DIP2C: variants seen among roughly 807,000 people sequenced by gnomAD.
DIP2C encodes the protein DIP2 acetate--CoA ligase C (putative).
Under a neutral mutation model 192.4 loss-of-function variants are expected in DIP2C, and 33 were observed. The ratio of observed to expected loss-of-function variants is 0.17; its 90% CI spans 0.13 to 0.23. The LOEUF (loss-of-function observed/expected upper bound fraction) is 0.23, where lower values mean the gene tolerates loss of function less well. Ranked by LOEUF, DIP2C falls within the 10% of genes least tolerant of loss-of-function variation. The probability of loss-of-function intolerance (pLI) is 1.00; values close to 1 mark genes in which losing one functional copy is unlikely to be tolerated. For synonymous variants in DIP2C, 979 were observed against 864.1 expected, an observed-to-expected ratio of 1.13 and a Z score of -2.33; for missense variants, 1,537 against 2,110.1, an observed-to-expected ratio of 0.73 and a Z score of 5.32.
At chr10:678,194 T>A (rs1412908676) in intron 1 of DIP2C, among the ~76,000 whole-genome samples, 1 of 152,100 alleles carries the variant, frequency 6.6e-6, no homozygotes, top group Admixed American at 6.5e-5. Flanking sequence ...AGTGGAAGTT[T>A]AAAGATGTCC....
At chr10:353,749 G>A (rs146863730) in intron 24 of DIP2C, among the ~76,000 whole-genome samples, 1 of 152,282 alleles carries the variant, frequency 6.6e-6, no homozygotes, top group Non-Finnish European at 1.5e-5. Context: ...CAGCAGAAAC[G>A]TGCATCCTTG....
chr10:285,480 G>A (rs1029108853), intron 34 of DIP2C, among the ~76,000 whole-genome samples: 4 of 152,200 alleles, frequency 2.6e-5, no homozygotes, highest in Admixed American at 6.5e-5. Context: ...CGGGGTAACC[G>A]GAGGGAGGGC....
At chr10:611,190 C>A (rs1853076812) in intron 1 of DIP2C, among the ~76,000 whole-genome samples, 1 of 79,066 alleles carries the variant, frequency 1.3e-5, no homozygotes, top group African/African-American at 2.6e-5. Context: ...GTGCATGGCA[C>A]CTTCCCCTTC....
intron 36 of DIP2C, among the ~76,000 whole-genome samples, chr10:279,325 G>A (rs184313597): frequency 2.0e-3 from 307 of 152,154 alleles, no homozygotes; most frequent in African/African-American, 7.0e-3. Context: ...CTTTTATTAC[G>A]GCATTTGAAA....
intron 10 of DIP2C, among the ~76,000 whole-genome samples, chr10:394,799 C>T (rs1035697325): frequency 5.6e-5 from 8 of 142,070 alleles, no homozygotes; most frequent in South Asian, 2.3e-4. Flanking sequence ...ACACAGTGGG[C>T]GCTATTCAGC....
chr10:503,252 T>C (rs931559419), intron 1 of DIP2C, among the ~76,000 whole-genome samples: 2 of 152,204 alleles, frequency 1.3e-5, no homozygotes, highest in Admixed American at 1.3e-4. Context: ...GATTCCAACA[T>C]AAATCCTGCC....
intron 1 of DIP2C, among the ~76,000 whole-genome samples, chr10:647,454 C>A (rs1156858290): frequency 6.6e-4 from 58 of 87,814 alleles, no homozygotes; most frequent in East Asian, 1.9e-3. Context: ...GGATGGTGGG[C>A]GAGAACAGAA....
At chr10:606,860 C>A (rs547593075) in intron 1 of DIP2C, among the ~76,000 whole-genome samples, 10 of 152,292 alleles carry the variant, frequency 6.6e-5, no homozygotes, top group Non-Finnish European at 1.2e-4. Flanking sequence ...GACGCCACAG[C>A]TTCCGTGTGG....
intron 1 of DIP2C, among the ~76,000 whole-genome samples, chr10:683,106 A>G (rs1288673569): frequency 6.6e-6 from 1 of 152,146 alleles, no homozygotes; most frequent in African/African-American, 2.4e-5. Flanking sequence ...CGAAGCAGCA[A>G]CCCCCAGCGA....
At chr10:524,534 C>T (rs1014718203) in intron 1 of DIP2C, among the ~76,000 whole-genome samples, 1 of 151,966 alleles carries the variant, frequency 6.6e-6, no homozygotes, top group Non-Finnish European at 1.5e-5. Context: ...AAAACATGGA[C>T]GATAAACCAT....
intron 24 of DIP2C, among the ~76,000 whole-genome samples, chr10:352,487 C>T (rs774093046): frequency 2.0e-5 from 3 of 152,242 alleles, no homozygotes; most frequent in Non-Finnish European, 4.4e-5. Context: ...GGTCCCAAAG[C>T]CAGCTCACAG....
chr10:630,272 A>G (rs201199299), intron 1 of DIP2C: 2 of 152,070 alleles, frequency 1.3e-5, no homozygotes, highest in Non-Finnish European at 2.9e-5. Flanking sequence ...GTTGACAAGT[A>G]AAAAAAATTC....
At chr10:548,218 C>A (rs1004503770) in intron 1 of DIP2C, among the ~76,000 whole-genome samples, 2 of 130,402 alleles carry the variant, frequency 1.5e-5, no homozygotes, top group Non-Finnish European at 1.7e-5. Context: ...ACCCCCCCCC[C>A]CACAGGAAAG....
chr10:514,937 C>CAA (rs1002668946), intron 1 of DIP2C, among the ~76,000 whole-genome samples: 2 of 152,172 alleles, frequency 1.3e-5, no homozygotes, highest in Admixed American at 1.3e-4. Context: ...TCAGTAGTAG[C>CAA]AAAAAACAAG....
At chr10:596,585 C>T (rs1226092619) in intron 1 of DIP2C, among the ~76,000 whole-genome samples, 2 of 144,778 alleles carry the variant, frequency 1.4e-5, no homozygotes, top group African/African-American at 5.0e-5. Flanking sequence ...CCTATAGGTA[C>T]TTATTCAGCC....
In DIP2C at chr10:280,017, G is replaced by A. The variant is rs190679903; in HGVS notation, c.4418+1183C>T. Among the ~76,000 whole-genome samples, 16 of 152,326 alleles carry A rather than the reference G, an allele frequency of 1.1e-4. No individual in the cohort carries two copies. The East Asian group carries it at 3.1e-3, about 29-fold the overall frequency. Reference sequence around the variant, plus strand: ...TCGTAGCTATTTAGACGGAAAATAAGGTAGGCCCTGGCCGAGTTTCTGGGC... The same window carrying A: ...TCGTAGCTATTTAGACGGAAAATAAAGTAGGCCCTGGCCGAGTTTCTGGGC... On this transcript the variant is annotated intron_variant, in intron 36 of 36. Coordinates refer to ENST00000280886, the MANE Select transcript of DIP2C (RefSeq NM_014974.3).
At chr10:609,336 ACT>A (rs1254319231) in intron 1 of DIP2C, among the ~76,000 whole-genome samples, 3 of 152,180 alleles carry the variant, frequency 2.0e-5, no homozygotes, top group African/African-American at 7.2e-5. Context: ...GCTGTCAGAA[ACT>A]TTTTCTCAAT....
intron 2 of DIP2C, among the ~76,000 whole-genome samples, chr10:483,671 G>T (rs535145061): frequency 6.6e-6 from 1 of 152,208 alleles, no homozygotes; most frequent in Non-Finnish European, 1.5e-5. Context: ...CTCCTGAGAG[G>T]GTGCGAGGGA....
chr10:620,413 G>C (rs61833005), intron 1 of DIP2C, among the ~76,000 whole-genome samples: 2 of 152,148 alleles, frequency 1.3e-5, no homozygotes, highest in Non-Finnish European at 2.9e-5. Context: ...CAAAGAAAAC[G>C]GCACACGGAG....
Sources: allele counts gnomAD v4.1 joint callset (sites outside exome capture counted in the v4.1 genomes callset), GRCh38; gene constraint gnomAD v4.1.1; transcripts MANE v1.5; gene names NCBI Gene and HGNC (gene_info 2026-07-23, HGNC 2026-07-21).